INPP4B: variants seen among roughly 807,000 people sequenced by gnomAD.
INPP4B encodes inositol polyphosphate-4-phosphatase type II B.
Under a neutral mutation model 122.5 loss-of-function variants are expected in INPP4B, and 55 were observed. That is an observed-to-expected ratio of 0.45 (90% CI 0.36 to 0.56). INPP4B has a LOEUF of 0.56. INPP4B is among the 20% of genes least tolerant of loss of function. The pLI, the probability that INPP4B is intolerant of heterozygous loss-of-function variation, is 0.00. For synonymous variants in INPP4B, 403 were observed against 388.7 expected (o/e 1.04, Z -0.43); for missense variants, 1,000 against 1,097.7 (o/e 0.91, Z 1.26).
chr4:142,343,569 G>C (rs985332219), intron 7 of INPP4B, among the ~76,000 whole-genome samples: 2 of 151,644 alleles, frequency 1.3e-5, no homozygotes, highest in Admixed American at 1.3e-4. Context: ...AATTTTGCCT[G>C]TTTTTTCTTT....
chr4:142,617,119 C>T (rs992974677), intron 2 of INPP4B, among the ~76,000 whole-genome samples: 2 of 151,882 alleles, frequency 1.3e-5, no homozygotes, highest in African/African-American at 4.8e-5. Flanking sequence ...AAAAATAAAC[C>T]CTCTATTTGC....
At chr4:142,187,971 T>C (rs1833904952) in intron 15 of INPP4B, among the ~76,000 whole-genome samples, 3 of 151,940 alleles carry the variant, frequency 2.0e-5, no homozygotes, top group Non-Finnish European at 2.9e-5. Flanking sequence ...GAAAAAAATA[T>C]AAGGATGTAG....
At chr4:142,579,619 T>C (rs1209036426) in intron 2 of INPP4B, among the ~76,000 whole-genome samples, 1 of 151,858 alleles carries the variant, frequency 6.6e-6, no homozygotes, top group Admixed American at 6.6e-5. Flanking sequence ...CCTCAAGTAA[T>C]GGAGGATTCT....
At chr4:142,046,131 C>T (rs1751275059) in intron 25 of INPP4B, among the ~76,000 whole-genome samples, 1 of 152,040 alleles carries the variant, frequency 6.6e-6, no homozygotes, top group Admixed American at 6.6e-5. Context: ...AACTACTCTG[C>T]TCCCCTACCT....
At position 142,399,189 on chromosome 4, in the gene INPP4B, C is replaced by CTTTTTTT. The variant is rs70949166; in HGVS notation, c.372+3742_372+3748dup. On this transcript the variant is annotated intron_variant, in intron 7 of 25. Transcript: ENST00000262992. ...CTTTTCCTTTCTAAATTTCCTTTTG[C>CTTTTTTT]TTTTTTTTTTTTTTTTTTTTTTTTT... Among the ~76,000 whole-genome samples the CTTTTTTT allele has an allele frequency of 2.8e-4, 16 of 56,992 alleles. 2 individuals carry two copies. The highest frequency in any genetic ancestry group is 4.4e-4 in the Non-Finnish European group (15 of 33,788). The allele number at this position is 56,992 out of a possible 152,430, so 37.4% of individuals were successfully genotyped here. A position where few individuals can be genotyped will look rare whatever the true frequency, so the allele number is the denominator to read the frequency against.
At chr4:142,160,149 A>T (rs759965759) in intron 17 of INPP4B, among the ~76,000 whole-genome samples, 2 of 152,076 alleles carry the variant, frequency 1.3e-5, no homozygotes, top group Non-Finnish European at 2.9e-5. Flanking sequence ...TCACTTAAAC[A>T]TATAATTCAT....
chr4:142,279,628 T>C (rs896004064), intron 9 of INPP4B, among the ~76,000 whole-genome samples: 3 of 151,496 alleles, frequency 2.0e-5, no homozygotes, highest in Admixed American at 6.6e-5. Flanking sequence ...ATGTAAAACA[T>C]AAAAATGTAA....
chr4:142,370,891 C>A (rs910749511), intron 7 of INPP4B, among the ~76,000 whole-genome samples: 3 of 152,066 alleles, frequency 2.0e-5, no homozygotes, highest in Admixed American at 6.6e-5. Context: ...CAACCCCTAT[C>A]AAAATACCAA....
intron 7 of INPP4B, among the ~76,000 whole-genome samples, chr4:142,393,132 A>G (rs1798264309): frequency 6.6e-6 from 1 of 152,198 alleles, no homozygotes; most frequent in African/African-American, 2.4e-5. Context: ...TAACTTATGA[A>G]TGACATGCCG....
chr4:142,525,058 A>G (rs1192024767), intron 2 of INPP4B, among the ~76,000 whole-genome samples: 3 of 150,844 alleles, frequency 2.0e-5, no homozygotes, highest in African/African-American at 4.9e-5. Context: ...TACAAAATCA[A>G]TGTGCAAAAA....
At chr4:142,100,455 C>T (rs956751108) in intron 23 of INPP4B, among the ~76,000 whole-genome samples, 1 of 152,108 alleles carries the variant, frequency 6.6e-6, no homozygotes, top group Non-Finnish European at 1.5e-5. Flanking sequence ...CCTTTTAGCA[C>T]CTGGGTTAGT....
At chr4:142,171,529 C>T (rs1825639953) in intron 16 of INPP4B, among the ~76,000 whole-genome samples, 1 of 151,732 alleles carries the variant, frequency 6.6e-6, no homozygotes, top group Non-Finnish European at 1.5e-5. Flanking sequence ...TTTAGAATAC[C>T]ACTAAAACTC....
At chr4:142,330,962 T>A (rs1001698983) in intron 7 of INPP4B, among the ~76,000 whole-genome samples, 2 of 152,210 alleles carry the variant, frequency 1.3e-5, no homozygotes, top group African/African-American at 4.8e-5. Context: ...ATTTGTCCTA[T>A]CAAAAGTTGT....
At chr4:142,709,003 C>A (rs1012364116) in intron 2 of INPP4B, among the ~76,000 whole-genome samples, 6 of 152,020 alleles carry the variant, frequency 3.9e-5, no homozygotes, top group African/African-American at 7.2e-5. Context: ...ATGACCAATG[C>A]CTTGGGAGCC....
intron 1 of INPP4B, among the ~76,000 whole-genome samples, chr4:142,807,377 C>A (rs1211099821): frequency 6.6e-6 from 1 of 152,010 alleles, no homozygotes; most frequent in African/African-American, 2.4e-5. Flanking sequence ...TGTAAAGTAG[C>A]ACAAAGATGA....
At chr4:142,479,484 T>C (rs1176586185) in intron 2 of INPP4B, among the ~76,000 whole-genome samples, 1 of 152,044 alleles carries the variant, frequency 6.6e-6, no homozygotes, top group East Asian at 1.9e-4. Flanking sequence ...AAATATAAAT[T>C]ATTCTACGAT....
At chr4:142,452,627 T>C (rs1317469128) in intron 3 of INPP4B, among the ~76,000 whole-genome samples, 1 of 152,166 alleles carries the variant, frequency 6.6e-6, no homozygotes, top group Non-Finnish European at 1.5e-5. Context: ...TTTTCATGTA[T>C]CCAGCTGACC....
chr4:142,170,207 G>T (rs1472932232), intron 16 of INPP4B, among the ~76,000 whole-genome samples: 1 of 151,534 alleles, frequency 6.6e-6, no homozygotes, highest in Non-Finnish European at 1.5e-5. Flanking sequence ...CTTGGCTTTT[G>T]TTAGATTCTT....
intron 1 of INPP4B, among the ~76,000 whole-genome samples, chr4:142,819,474 CA>C (rs1217658241): frequency 6.6e-6 from 1 of 152,054 alleles, no homozygotes; most frequent in African/African-American, 2.4e-5. Flanking sequence ...CTAGAAAATT[CA>C]AAGTGAATCT....
Sources: gnomAD v4.1 joint callset for allele counts (sites outside exome capture counted in the v4.1 genomes callset) on GRCh38, gnomAD v4.1.1 for gene constraint, MANE v1.5 for transcripts, NCBI Gene and HGNC (gene_info 2026-07-23, HGNC 2026-07-21) for gene names.